The following GANC variants were observed in gnomAD, a reference collection of about 807,000 sequenced individuals.
GANC encodes glucosidase alpha, neutral C, also known as neutral alpha-glucosidase C.
In GANC, 117 loss-of-function variants were observed where a neutral mutation model predicts 124.2. That is an observed-to-expected ratio of 0.94 (90% CI 0.81 to 1.10). The LOEUF (loss-of-function observed/expected upper bound fraction) is 1.10. Ranked by LOEUF, GANC falls within the 50% of genes least tolerant of loss-of-function variation. The pLI is 0.00. For synonymous variants in GANC, 377 were observed against 376.8 expected, an observed-to-expected ratio of 1.00 and a Z score of -0.01; for missense variants, 1,140 against 1,095.0, an observed-to-expected ratio of 1.04 and a Z score of -0.58.
chr15:42,276,924 A>G (rs1480234002), intron 2 of GANC, among the ~76,000 whole-genome samples: 4 of 152,032 alleles, frequency 2.6e-5, no homozygotes, highest in African/African-American at 7.2e-5. Flanking sequence ...AGAAATTCAT[A>G]TGAGTGCATG....
At position 42,284,208 on chromosome 15, in the gene GANC, A is replaced by G. The variant is rs2051763506; in HGVS notation, c.202-3483A>G. 1.7e-5 allele frequency: 10 copies of G among 592,884 alleles called. No homozygotes were observed. The South Asian group carries it at 2.0e-4, about 12-fold the overall frequency. The allele number at this position is 592,884 out of a possible 1,614,324, so 36.7% of individuals were successfully genotyped here. A position where few individuals can be genotyped will look rare whatever the true frequency, so the allele number is the denominator to read the frequency against. ...CTTAACACCCACTGCAAATTTAAAT[A>G]TGTGTTCTAGGGCTGTTTGTTAATT... On this transcript the variant is annotated intron_variant, in intron 3 of 23. Coordinates refer to ENST00000318010, the MANE Select transcript of GANC (RefSeq NM_198141.3).
chr15:42,306,438 T>A, intron 6 of GANC, 108 bp from the exon 7 acceptor site: 1 of 835,756 alleles, frequency 1.2e-6, no homozygotes, highest in South Asian at 1.8e-5. Flanking sequence ...AAAGATGAAC[T>A]CACTTTCTCA....
In GANC at chr15:42,297,668, T is replaced by G. The variant is rs1261390496; in HGVS notation, c.558+12T>G. ...TGGACACCTCTCAGGTAATCTAGAT[T>G]GATCCATTTATTGTTATCTTTTTCA... On this transcript the variant is annotated intron_variant, in intron 6 of 23. Coordinates refer to ENST00000318010, the MANE Select transcript of GANC (RefSeq NM_198141.3). 6.3e-7 allele frequency: 1 copy of G among 1,584,676 alleles called. No individual in the cohort carries two copies. The highest frequency in any genetic ancestry group is 2.3e-5 in the East Asian group (1 of 44,266).
rs180751808 is a variant in GANC at position 42,333,700 on chromosome 15, G to A, written c.1741+3028G>A. Among the ~76,000 whole-genome samples, 11 of 152,282 alleles carry A rather than the reference G, an allele frequency of 7.2e-5. No homozygotes were observed. The East Asian group carries it at 2.1e-3, about 29-fold the overall frequency. ...AGTTTATAATAGTGTTTATCTGATA[G>A]GATTGTTGTGATTATTAAGTAGGAT... On this transcript the variant is annotated intron_variant, in intron 15 of 23. Transcript: ENST00000318010.
At chr15:42,329,207 A>T in intron 13 of GANC, 99 bp from the exon 14 acceptor site, 1 of 1,208,436 alleles carries the variant, frequency 8.3e-7, no homozygotes, top group Non-Finnish European at 1.2e-6. Context: ...GACAGAGCAT[A>T]GATAATAAAC....
chr15:42,309,744 C>T (rs1344831936), intron 8 of GANC, among the ~76,000 whole-genome samples: 3 of 151,936 alleles, frequency 2.0e-5, no homozygotes, highest in Non-Finnish European at 2.9e-5. Flanking sequence ...TTAGGCTGGG[C>T]ACAGTGGCTC....
Position 42,287,727 on chromosome 15 carries a change from A to T in GANC, c.238A>T (p.Asn80Tyr). Residue 80 changes from asparagine (N) to tyrosine (Y), a missense_variant, in exon 4 of 24, where the codon AAC (asparagine) becomes TAC (tyrosine). Asn to Tyr is a moderately radical substitution (Grantham distance 143, BLOSUM62 -2). Transcript: ENST00000318010. The stretch of plus-strand genomic sequence containing the variant: ...GGCTGAAATTTATGGTATAGAAGGA[A>T]ACATTTTCAGGCTTAAAATTAATGA... ...LLAEIYGIEG[N>Y]IFRLKINEET... 6.2e-7 allele frequency: 1 copy of T among 1,613,076 alleles called. No homozygotes were observed. Among genetic ancestry groups the T allele is most frequent in the Non-Finnish European group, 8.5e-7 (1 of 1,179,382 alleles).
At chr15:42,298,370 T>A (rs1226574710) in intron 6 of GANC, among the ~76,000 whole-genome samples, 1 of 152,224 alleles carries the variant, frequency 6.6e-6, no homozygotes, top group African/African-American at 2.4e-5. Context: ...TTATTTTATC[T>A]AACAATTATT....
In GANC at chr15:42,349,450, T is replaced by A; in HGVS notation, c.2486T>A (p.Phe829Tyr). The change falls in exon 22 of 24, where the codon TTT becomes TAT. Residue 829 changes from phenylalanine to tyrosine, a missense_variant. Phe to Tyr is a conservative substitution (Grantham distance 22). Transcript: ENST00000318010. ...TTCCAATACCTCCACCAGAAGCAAT[T>A]TTTGCACAGGAAGTTTTCATTCTGT... ...HSFQYLHQKQFLHRKFSFCSS... is the reference protein window; with the variant it reads ...HSFQYLHQKQYLHRKFSFCSS... 3 of 1,613,756 alleles carry A rather than the reference T, an allele frequency of 1.9e-6. No individual in the cohort carries two copies. The East Asian group carries it at 6.7e-5, about 36-fold the overall frequency.
Position 42,274,442 on chromosome 15 carries a change from G to T in GANC, c.-40G>T. ...TTTTAAAAGATCGCCCAGGGCCCTT[G>T]TCCTGAGAGCTGGGAGCTGGTCGGA... On this transcript the variant is annotated 5_prime_UTR_variant, in exon 1 of 24. Coordinates refer to ENST00000318010, the MANE Select transcript of GANC (RefSeq NM_198141.3). 1.9e-6 allele frequency: 3 copies of T among 1,605,024 alleles called. No homozygotes were observed. The highest frequency in any genetic ancestry group is 2.2e-5 in the South Asian group (2 of 88,982).
chr15:42,278,354 T>C, intron 2 of GANC, 128 bp from the exon 3 acceptor site: 1 of 606,546 alleles, frequency 1.6e-6, no homozygotes, highest in South Asian at 2.1e-5. Flanking sequence ...ATAGTACTAA[T>C]ACTGTTTGTG....
chr15:42,295,462 T>G lies in GANC; in HGVS notation c.513-2149T>G, dbSNP rs547883404. Among the ~76,000 whole-genome samples the G allele has an allele frequency of 5.2e-4, 79 of 151,908 alleles. 1 individual carries two copies. The highest frequency in any genetic ancestry group is 1.0e-3 in the Non-Finnish European group (68 of 67,976). On this transcript the variant is annotated intron_variant, in intron 5 of 23. Coordinates refer to ENST00000318010, the MANE Select transcript of GANC (RefSeq NM_198141.3). ...AAAATCAATTGCAGATGAATAAAAA[T>G]TAAACATAAAAAGACATAAAAATAG... is the stretch of plus-strand genomic sequence containing the variant.
intron 4 of GANC, 65 bp from the exon 5 acceptor site, chr15:42,292,670 A>G: frequency 1.4e-6 from 2 of 1,457,362 alleles, no homozygotes; most frequent in Non-Finnish European, 1.9e-6. Flanking sequence ...ACTTGGAAGT[A>G]CAAATCACAT....
At position 42,340,728 on chromosome 15, in the gene GANC, T is replaced by G. The variant is rs200817834; in HGVS notation, c.2126T>G (p.Phe709Cys). Reference protein sequence around the residue: ...WVEFPDELKTFDMEDEYMLGS... With the variant: ...WVEFPDELKTCDMEDEYMLGS... ...GAGTTCCCTGATGAACTAAAGACTTTTGATATGGAAGATGAATACATGCTG... is the reference window on the plus strand; with the variant it reads ...GAGTTCCCTGATGAACTAAAGACTTGTGATATGGAAGATGAATACATGCTG... Residue 709 changes from phenylalanine to cysteine, a missense_variant, in exon 18 of 24, where the codon TTT (phenylalanine) becomes TGT (cysteine). By Grantham distance (205) the Phe-to-Cys change is radical (BLOSUM62 -2). Transcript: ENST00000318010. The G allele has an allele frequency of 6.2e-7, 1 of 1,606,092 alleles. No individual in the cohort carries two copies. Among genetic ancestry groups the G allele is most frequent in the East Asian group, 2.2e-5 (1 of 44,868 alleles).
chr15:42,324,708 A>G (rs2052184854), intron 11 of GANC, among the ~76,000 whole-genome samples: 1 of 152,176 alleles, frequency 6.6e-6, no homozygotes, highest in African/African-American at 2.4e-5. Context: ...AAAGACAAAT[A>G]CCGTGTGATT....
chr15:42,332,056 TTTAAA>T (rs1208279013), intron 15 of GANC, among the ~76,000 whole-genome samples: 1 of 152,144 alleles, frequency 6.6e-6, no homozygotes, highest in Non-Finnish European at 1.5e-5. Flanking sequence ...ACTAGGAACG[TTTAAA>T]TTATTCTCTT....
At chr15:42,308,379 A>T (rs968762256) in intron 8 of GANC, 61 bp downstream of exon 8, 1 of 1,133,526 alleles carries the variant, frequency 8.8e-7, no homozygotes, top group African/African-American at 1.5e-5. Context: ...TGATCTGAAA[A>T]CATTTGTGAG....
At chr15:42,283,464 C>G (rs748356468) in intron 3 of GANC, 1 of 603,660 alleles carries the variant, frequency 1.7e-6, no homozygotes, top group South Asian at 2.0e-5. Flanking sequence ...GTGATCTAGG[C>G]AAAGGAAAAT....
intron 2 of GANC, among the ~76,000 whole-genome samples, chr15:42,277,746 A>G (rs1303750891): frequency 6.6e-6 from 1 of 151,536 alleles, no homozygotes; most frequent in Non-Finnish European, 1.5e-5. Flanking sequence ...GATTACAGGC[A>G]TGCACCACCA....
Sources: gnomAD v4.1 joint callset for allele counts (sites outside exome capture counted in the v4.1 genomes callset) on GRCh38, gnomAD v4.1.1 for gene constraint, MANE v1.5 for transcripts, NCBI Gene and HGNC (gene_info 2026-07-23, HGNC 2026-07-21) for gene names.